Variants in SLC2A9 observed in about 807,000 individuals in gnomAD.
SLC2A9 encodes the protein solute carrier family 2, facilitated glucose transporter member 9.
A neutral mutation model predicts 50.6 loss-of-function variants in SLC2A9; 39 were observed. The observed-to-expected ratio is 0.77, with a 90% CI of 0.60 to 1.01. The LOEUF (loss-of-function observed/expected upper bound fraction) is 1.01, where lower values mean the gene tolerates loss of function less well. SLC2A9 is among the 50% of genes least tolerant of loss of function. SLC2A9 has a pLI of 0.00. For missense variants in SLC2A9, 686 were observed against 677.6 expected (o/e 1.01, Z -0.14); for synonymous variants, 324 against 276.9 (o/e 1.17, Z -1.69).
In SLC2A9 at chr4:10,031,764, G is replaced by A. The variant is rs75350128; in HGVS notation, c.-40-5758C>T. Among the ~76,000 whole-genome samples the A allele has an allele frequency of 7.9e-4, 121 of 152,320 alleles. 2 individuals are homozygous for A. In the East Asian group the frequency reaches 0.023, roughly 29 times the overall value. On this transcript the variant is annotated intron_variant, in intron 1 of 12. Transcript: ENST00000309065. ...AGACTGAGTGAAGCAGCCAGTTAGC[G>A]GAGCTGGAGAAGGATGTCCCATGTC... is the stretch of plus-strand genomic sequence containing the variant.
At chr4:9,911,066 T>C (rs112914228) in intron 7 of SLC2A9, among the ~76,000 whole-genome samples, 8 of 152,064 alleles carry the variant, frequency 5.3e-5, no homozygotes, top group African/African-American at 1.4e-4. Context: ...GGTTGATGGG[T>C]GCAGCAAACC....
chr4:9,781,194 G>A (rs548112431), intron 3 of SLC2A9, among the ~76,000 whole-genome samples: 18 of 152,268 alleles, frequency 1.2e-4, no homozygotes, highest in Non-Finnish European at 2.2e-4. Flanking sequence ...ATTATCCCAC[G>A]CTGTGGAGAA....
chr4:9,898,330 G>C (rs1156572954), intron 8 of SLC2A9, among the ~76,000 whole-genome samples: 1 of 152,200 alleles, frequency 6.6e-6, no homozygotes, highest in Non-Finnish European at 1.5e-5. Context: ...AAAAGGAAGA[G>C]CTGGAGGGCA....
chr4:9,820,364 T>C (rs1362598245), intron 3 of SLC2A9, among the ~76,000 whole-genome samples: 2 of 152,254 alleles, frequency 1.3e-5, no homozygotes, highest in African/African-American at 4.8e-5. Context: ...TGCTGTAGAA[T>C]TATAATAAAT....
intron 10 of SLC2A9, chr4:9,880,648 G>A (rs1471657183): frequency 3.9e-6 from 3 of 768,806 alleles, no homozygotes; most frequent in Admixed American, 6.3e-5. Flanking sequence ...GTGCATGGGT[G>A]GGGAAGAAGG....
At chr4:9,991,024 C>T (rs959690962) in intron 3 of SLC2A9, among the ~76,000 whole-genome samples, 7 of 152,190 alleles carry the variant, frequency 4.6e-5, no homozygotes, top group Admixed American at 3.9e-4. Flanking sequence ...AAGGTGGATC[C>T]CCCTTTCCCA....
At chr4:9,857,528 C>G (rs578207088) in intron 10 of SLC2A9, among the ~76,000 whole-genome samples, 1 of 152,328 alleles carries the variant, frequency 6.6e-6, no homozygotes, top group Admixed American at 6.5e-5. Flanking sequence ...GCTGGCATCC[C>G]TGGCAGAGGC....
At chr4:9,932,762 A>G (rs977308785) in intron 6 of SLC2A9, among the ~76,000 whole-genome samples, 2 of 152,232 alleles carry the variant, frequency 1.3e-5, no homozygotes, top group African/African-American at 2.4e-5. Context: ...CCACCCTTTT[A>G]GAACTCTTCT....
chr4:9,941,880 C>A (rs1476635891), intron 6 of SLC2A9, 33 bp downstream of exon 6: 3 of 1,613,396 alleles, frequency 1.9e-6, no homozygotes, highest in South Asian at 1.1e-5. Context: ...TATGCAGGGG[C>A]TGGAGCTGTG....
intron 1 of SLC2A9, among the ~76,000 whole-genome samples, chr4:10,027,767 T>C (rs767706913): frequency 6.6e-6 from 1 of 152,120 alleles, no homozygotes; most frequent in Non-Finnish European, 1.5e-5. Flanking sequence ...GAGGTACATG[T>C]GACAAGTTGA....
At chr4:9,782,245 C>T (rs746485772) in intron 3 of SLC2A9, 5 of 1,613,560 alleles carry the variant, frequency 3.1e-6, no homozygotes, top group Admixed American at 1.7e-5. Flanking sequence ...GCCACCTGCG[C>T]GCCAACATGA....
intron 1 of SLC2A9, among the ~76,000 whole-genome samples, chr4:10,030,627 T>A (rs1053445128): frequency 6.6e-6 from 1 of 152,174 alleles, no homozygotes; most frequent in African/African-American, 2.4e-5. Context: ...AATTTTTCTG[T>A]GAACCTATCG....
At chr4:9,803,310 G>A (rs1721706164) in intron 3 of SLC2A9, among the ~76,000 whole-genome samples, 2 of 152,250 alleles carry the variant, frequency 1.3e-5, no homozygotes, top group Admixed American at 6.5e-5. Context: ...TGATGGTGAT[G>A]ATATACGGCA....
At chr4:9,908,137 G>C (rs1423409970) in intron 8 of SLC2A9, 98 bp downstream of exon 8, 1 of 851,072 alleles carries the variant, frequency 1.2e-6, no homozygotes, top group African/African-American at 1.7e-5. Flanking sequence ...GATGAATTCT[G>C]ATGGGGAAAG....
intron 3 of SLC2A9, among the ~76,000 whole-genome samples, chr4:9,807,688 A>G (rs1200876662): frequency 6.6e-6 from 1 of 152,224 alleles, no homozygotes; most frequent in East Asian, 1.9e-4. Context: ...ATTTGTTGAG[A>G]TACACGGGCC....
chr4:10,018,050 A>G (rs1692940776), intron 2 of SLC2A9, among the ~76,000 whole-genome samples: 1 of 152,164 alleles, frequency 6.6e-6, no homozygotes, highest in African/African-American at 2.4e-5. Flanking sequence ...TGGTAGGTCA[A>G]AGCCAAAGCC....
chr4:9,973,991 C>T (rs1754357468), intron 5 of SLC2A9, among the ~76,000 whole-genome samples: 2 of 152,144 alleles, frequency 1.3e-5, no homozygotes, highest in African/African-American at 4.8e-5. Context: ...AAGTAGGCTT[C>T]CTTCCTGGGA....
upstream of SLC2A9, among the ~76,000 whole-genome samples, chr4:10,023,969 G>T (rs1047606419): frequency 3.9e-5 from 6 of 152,174 alleles, no homozygotes; most frequent in African/African-American, 1.4e-4. Context: ...CTGGGCTGGG[G>T]CACGTTCTGC....
intron 10 of SLC2A9, among the ~76,000 whole-genome samples, chr4:9,861,903 A>T (rs1731721205): frequency 6.6e-6 from 1 of 152,158 alleles, no homozygotes; most frequent in Non-Finnish European, 1.5e-5. Context: ...TCAAATCTCC[A>T]ATGGCTTCCC....
Sources: allele counts gnomAD v4.1 joint callset (sites outside exome capture counted in the v4.1 genomes callset), GRCh38; gene constraint gnomAD v4.1.1; transcripts MANE v1.5; gene names NCBI Gene and HGNC (gene_info 2026-07-23, HGNC 2026-07-21).